Variants in CTSK observed in about 807,000 individuals in gnomAD.
CTSK encodes the protein cathepsin O.
Under a neutral mutation model 40.5 loss-of-function variants are expected in CTSK, and 26 were observed. The ratio of observed to expected loss-of-function variants is 0.64; its 90% CI spans 0.47 to 0.89. The LOEUF is 0.89. CTSK is among the 40% of genes least tolerant of loss of function. The pLI is 0.00. For missense variants in CTSK, 292 were observed against 400.1 expected (o/e 0.73, Z 2.30); for synonymous variants, 132 against 143.2 (o/e 0.92, Z 0.56).
Position 150,806,780 on chromosome 1 carries a change from A to G in CTSK, c.26T>C (p.Leu9Pro), listed in dbSNP as rs1057517252. MWGLKVLL[L>P]PVVSFALYPE... is the part of the protein sequence containing the mutation. ...GTACAGAGCAAAGCTCACCACAGGT[A>G]GCAGCAGAACCTTGAGCCCCCACAT... is the stretch of plus-strand genomic sequence containing the variant. The change falls in exon 2 of 8, where the codon CTA becomes CCA. Residue 9 changes from leucine (L) to proline (P), a missense_variant. Transcript: ENST00000271651. The G allele has an allele frequency of 2.5e-6, 4 of 1,614,112 alleles. No individual in the cohort carries two copies. In the East Asian group the frequency reaches 8.9e-5, roughly 36 times the overall value.
chr1:150,804,008 G>A lies in CTSK; in HGVS notation c.618+13C>T, dbSNP rs1654040206. The A allele has an allele frequency of 1.9e-6, 3 of 1,606,784 alleles. No homozygotes were observed. The highest frequency in any genetic ancestry group is 2.2e-5 in the East Asian group (1 of 44,854). On this transcript the variant is annotated intron_variant, in intron 5 of 7. Coordinates refer to ENST00000271651, the MANE Select transcript of CTSK (RefSeq NM_000396.4). Reference sequence around the variant, plus strand: ...AGCCAACAGAGCTGTATAATTGTGTGGAGCAATCTCACCTGTCCCACATAT... The same window carrying A: ...AGCCAACAGAGCTGTATAATTGTGTAGAGCAATCTCACCTGTCCCACATAT...
chr1:150,806,646 C>G (rs1291942040), intron 2 of CTSK, 40 bp downstream of exon 2: 1 of 1,612,642 alleles, frequency 6.2e-7, no homozygotes, highest in African/African-American at 1.3e-5. Context: ...GAGCTCAGGT[C>G]TCAGCCTTCC....
intron 5 of CTSK, among the ~76,000 whole-genome samples, chr1:150,803,318 G>A: frequency 6.6e-6 from 1 of 152,074 alleles, no homozygotes; most frequent in East Asian, 1.9e-4. Flanking sequence ...GAGTTGTTAT[G>A]AGATTAAATG....
At chr1:150,797,439 A>C (rs1454458961) in intron 7 of CTSK, among the ~76,000 whole-genome samples, 1 of 152,162 alleles carries the variant, frequency 6.6e-6, no homozygotes, top group Non-Finnish European at 1.5e-5. Context: ...GGGGAATATT[A>C]ATCTTGAAAA....
chr1:150,799,160 A>T lies in CTSK; in HGVS notation c.890+8T>A, dbSNP rs774201583. On this transcript the variant is annotated splice_region_variant and intron_variant, in intron 7 of 7. Transcript: ENST00000271651. Reference sequence around the variant, plus strand: ...ACTGAATAACAAAAGTAGTGTTCCCATCATTACCTGTTTTTAATTATCCAG... The same window carrying T: ...ACTGAATAACAAAAGTAGTGTTCCCTTCATTACCTGTTTTTAATTATCCAG... 21 of 1,563,064 alleles carry T rather than the reference A, an allele frequency of 1.3e-5. No homozygotes were observed. The highest frequency in any genetic ancestry group is 1.8e-5 in the Non-Finnish European group (20 of 1,133,554).
intron 1 of CTSK, among the ~76,000 whole-genome samples, chr1:150,807,034 T>G (rs1654110785): frequency 6.6e-6 from 1 of 150,516 alleles, no homozygotes; most frequent in Admixed American, 6.7e-5. Context: ...TCGGGAGATT[T>G]AGGCAACACA....
In CTSK at chr1:150,798,268, C is replaced by T. The variant is rs1003936437; in HGVS notation, c.890+900G>A. Among the ~76,000 whole-genome samples the T allele has an allele frequency of 3.3e-5, 5 of 152,130 alleles. No individual in the cohort carries two copies. The East Asian group carries it at 9.6e-4, about 29-fold the overall frequency. On this transcript the variant is annotated intron_variant, in intron 7 of 7. Transcript: ENST00000271651. ...ACAATCTTTGGCAAGTTCTTATATACGTGTATCTTAAGTGTATTTTGAAGG... is the reference window on the plus strand; with the variant it reads ...ACAATCTTTGGCAAGTTCTTATATATGTGTATCTTAAGTGTATTTTGAAGG...
intron 4 of CTSK, among the ~76,000 whole-genome samples, chr1:150,805,259 A>G (rs1009890832): frequency 6.6e-6 from 1 of 151,674 alleles, no homozygotes; most frequent in Admixed American, 6.6e-5. Context: ...TTGTGACCTA[A>G]CAATTCCAAT....
At chr1:150,805,731 G>A in intron 4 of CTSK, 130 bp downstream of exon 4, 1 of 866,842 alleles carries the variant, frequency 1.2e-6, no homozygotes, top group Non-Finnish European at 2.0e-6. Context: ...ATAACAGAAT[G>A]GGAATGGGGA....
At chr1:150,807,078 TCTCACACACACACACACACACACA>T (rs1360561664) in intron 1 of CTSK, among the ~76,000 whole-genome samples, 2 of 120,504 alleles carry the variant, frequency 1.7e-5, no homozygotes, top group African/African-American at 6.3e-5. Flanking sequence ...TCTCTCTCTC[TCTCACACACACACACACACACACA>T]CACACACACA....
At chr1:150,802,048 C>T (rs1228125003) in intron 5 of CTSK, among the ~76,000 whole-genome samples, 4 of 146,110 alleles carry the variant, frequency 2.7e-5, no homozygotes, top group Admixed American at 6.7e-5. Flanking sequence ...GAGGCCGAGG[C>T]GGGCGGACCA....
intron 5 of CTSK, among the ~76,000 whole-genome samples, chr1:150,800,210 C>CAAAAAAAAA (rs1553196993): frequency 2.9e-5 from 1 of 34,834 alleles, no homozygotes. Flanking sequence ...AAAAAAAAAT[C>CAAAAAAAAA]AACTACAGGT....
intron 7 of CTSK, among the ~76,000 whole-genome samples, chr1:150,798,887 G>A (rs2101947394): frequency 6.6e-6 from 1 of 152,308 alleles, no homozygotes; most frequent in African/African-American, 2.4e-5. Flanking sequence ...ATCAGAGGCT[G>A]AGCAGATACT....
chr1:150,807,633 T>C (rs1654135478), intron 1 of CTSK, among the ~76,000 whole-genome samples: 2 of 152,336 alleles, frequency 1.3e-5, no homozygotes, highest in South Asian at 4.1e-4. Context: ...TTCACAGCTT[T>C]TCATAAGTTT....
rs905436867 is a variant in CTSK, at chr1:150,799,035, G to C, written c.890+133C>G. The C allele has an allele frequency of 5.7e-6, 4 of 702,088 alleles. No individual in the cohort carries two copies. The African/African-American group carries it at 7.0e-5, about 12-fold the overall frequency. 43.5% of individuals were successfully genotyped at this position (702,088 alleles called of 1,614,324 possible). A position where few individuals can be genotyped will look rare whatever the true frequency, so the allele number is the denominator to read the frequency against. ...GACTGAGAATTAAGAGCCTCTGACT[G>C]AGAAGATAGAAGTGAGAACTCTGAG... On this transcript the variant is annotated intron_variant, in intron 7 of 7. Coordinates refer to ENST00000271651, the MANE Select transcript of CTSK (RefSeq NM_000396.4).
At chr1:150,806,870 T>C (rs1654105128) in intron 1 of CTSK, 64 bp from the exon 2 acceptor site, 2 of 1,592,450 alleles carry the variant, frequency 1.3e-6, no homozygotes, top group Admixed American at 3.3e-5. Flanking sequence ...AAAACTAGGC[T>C]TTATGAGGAA....
intron 4 of CTSK, among the ~76,000 whole-genome samples, chr1:150,804,493 C>T (rs1654050106): frequency 6.6e-6 from 1 of 152,174 alleles, no homozygotes; most frequent in Non-Finnish European, 1.5e-5. Context: ...GGTGCTAACC[C>T]TGACTTTGCC....
chr1:150,797,445 G>A (rs587626223), intron 7 of CTSK, among the ~76,000 whole-genome samples: 2 of 152,278 alleles, frequency 1.3e-5, no homozygotes, highest in African/African-American at 4.8e-5. Flanking sequence ...TATTAATCTT[G>A]AAAATGTGAG....
Position 150,806,826 on chromosome 1 carries a change from G to C in CTSK, c.-1-20C>G. 1 of 1,612,736 alleles carries C rather than the reference G, an allele frequency of 6.2e-7. No homozygotes were observed. Among genetic ancestry groups the C allele is most frequent in the East Asian group, 2.2e-5 (1 of 44,878 alleles). ...CACATCCTGCAGAAGAATGTAGTTA[G>C]GGAAAACTCTTCCATTTGGCAGGGA... On this transcript the variant is annotated intron_variant, in intron 1 of 7. Coordinates refer to ENST00000271651, the MANE Select transcript of CTSK (RefSeq NM_000396.4).
Sources: gnomAD v4.1 joint callset for allele counts (sites outside exome capture counted in the v4.1 genomes callset) on GRCh38, gnomAD v4.1.1 for gene constraint, MANE v1.5 for transcripts, NCBI Gene and HGNC (gene_info 2026-07-23, HGNC 2026-07-21) for gene names.